CDK5RAP2: variants seen among roughly 807,000 people sequenced by gnomAD.
The protein encoded by CDK5RAP2 is CDK5 regulatory subunit associated protein 2, also known as CDK5 regulatory subunit-associated protein 2.
Under a neutral mutation model 232.9 loss-of-function variants are expected in CDK5RAP2, and 147 were observed. The ratio of observed to expected loss-of-function variants is 0.63; its 90% CI spans 0.55 to 0.72. The LOEUF (loss-of-function observed/expected upper bound fraction) is 0.72, where lower values mean the gene tolerates loss of function less well. Ranked by LOEUF, CDK5RAP2 falls within the 30% of genes least tolerant of loss-of-function variation. CDK5RAP2 has a pLI of 0.00. For synonymous variants in CDK5RAP2, 833 were observed against 833.7 expected, an observed-to-expected ratio of 1.00 and a Z score of 0.01; for missense variants, 2,195 against 2,231.5, an observed-to-expected ratio of 0.98 and a Z score of 0.33.
At chr9:120,568,440 G>A (rs777981932) in intron 2 of CDK5RAP2, 52 bp from the exon 3 acceptor site, 52 of 1,261,626 alleles carry the variant, frequency 4.1e-5, no homozygotes, top group Non-Finnish European at 1.5e-5. Context: ...ACTGCCCAGT[G>A]TTCCTATTGG....
intron 12 of CDK5RAP2, among the ~76,000 whole-genome samples, chr9:120,516,390 C>T (rs542921149): frequency 1.1e-4 from 16 of 149,066 alleles, no homozygotes; most frequent in African/African-American, 4.0e-4. Context: ...GGGGGAGGGA[C>T]AGCATTAGGA....
At position 120,487,062 on chromosome 9, in the gene CDK5RAP2, G is replaced by A. The variant is rs554637441; in HGVS notation, c.1626+232C>T. On this transcript the variant is annotated intron_variant, in intron 14 of 37. Transcript: ENST00000349780. ...CCCTGATAGAGCAAATGAGGCTTCT[G>A]GTTTAACAAGCTATGCTTTCTCAGT... 8.5e-5 allele frequency among the ~76,000 whole-genome samples: 13 copies of A among 152,236 alleles called. No homozygotes were observed. In the South Asian group the frequency reaches 2.7e-3, roughly 32 times the overall value.
At chr9:120,530,281 G>A (rs2041092324) in intron 7 of CDK5RAP2, 141 bp from the exon 8 acceptor site, 4 of 644,376 alleles carry the variant, frequency 6.2e-6, no homozygotes, top group Non-Finnish European at 1.1e-5. Context: ...CATTTTGCAG[G>A]TAGGAGATTA....
chr9:120,389,436 C>G, intron 37 of CDK5RAP2, 144 bp from the exon 38 acceptor site: 2 of 720,700 alleles, frequency 2.8e-6, no homozygotes, highest in Non-Finnish European at 4.9e-6. Context: ...ACCTAATAAA[C>G]AACGATGAGA....
chr9:120,554,273 T>G (rs1011697833), intron 3 of CDK5RAP2, among the ~76,000 whole-genome samples: 7 of 152,236 alleles, frequency 4.6e-5, no homozygotes, highest in Non-Finnish European at 1.0e-4. Flanking sequence ...TGAAATAAAT[T>G]TAAATAATAG....
chr9:120,437,438 C>T lies in CDK5RAP2; in HGVS notation c.3812G>A (p.Arg1271His), dbSNP rs371374073. 28 of 1,614,078 alleles carry T rather than the reference C, an allele frequency of 1.7e-5. No individual in the cohort carries two copies. Among genetic ancestry groups the T allele is most frequent in the African/African-American group, 1.6e-4 (12 of 75,020 alleles). Residue 1271 changes from arginine (R) to histidine (H), a missense_variant, in exon 25 of 38, where the codon CGT becomes CAT. Physicochemically the swap from Arg to His is conservative, Grantham distance 29 (BLOSUM62 0). Coordinates refer to ENST00000349780, the MANE Select transcript of CDK5RAP2 (RefSeq NM_018249.6). Reference sequence around the variant, plus strand: ...CTTAATCATGGTGTTCATGTGTTGACGGGAGATGACACAGATGCCATGGCC... The same window carrying T: ...CTTAATCATGGTGTTCATGTGTTGATGGGAGATGACACAGATGCCATGGCC... ...KDGHGICVIS[R>H]QHMNTMIKAF...
chr9:120,446,191 T>C (rs1315412697), intron 22 of CDK5RAP2, among the ~76,000 whole-genome samples: 2 of 151,498 alleles, frequency 1.3e-5, no homozygotes, highest in Admixed American at 6.6e-5. Flanking sequence ...TGTGTTTCAA[T>C]AAAATTTTAT....
chr9:120,563,031 T>G (rs1252456641), intron 3 of CDK5RAP2, among the ~76,000 whole-genome samples: 1 of 152,084 alleles, frequency 6.6e-6, no homozygotes, highest in Non-Finnish European at 1.5e-5. Context: ...AATAAAGAAA[T>G]AACCACAAAC....
chr9:120,432,847 G>C (rs1413390784), intron 25 of CDK5RAP2, among the ~76,000 whole-genome samples: 1 of 152,186 alleles, frequency 6.6e-6, no homozygotes, highest in East Asian at 1.9e-4. Context: ...TAGAGTGAGA[G>C]CCTTCAAGAA....
intron 12 of CDK5RAP2, among the ~76,000 whole-genome samples, chr9:120,497,421 TA>T (rs71385064): frequency 2.1e-3 from 49 of 23,290 alleles, no homozygotes; most frequent in East Asian, 0.019. Context: ...AAAATAAATT[TA>T]AAAAAAAAAA....
intron 2 of CDK5RAP2, 58 bp from the exon 3 acceptor site, chr9:120,568,446 A>G (rs773884010): frequency 5.0e-6 from 6 of 1,195,272 alleles, no homozygotes; most frequent in Non-Finnish European, 6.3e-6. Flanking sequence ...CAGTGTTCCT[A>G]TTGGGGAATA....
At chr9:120,524,883 G>A (rs1252200635) in intron 11 of CDK5RAP2, 103 bp downstream of exon 11, 3 of 814,170 alleles carry the variant, frequency 3.7e-6, no homozygotes, top group Non-Finnish European at 6.4e-6. Context: ...ACCACCCACA[G>A]TTTTCCTTAT....
At chr9:120,521,835 C>T (rs2040679608) in intron 11 of CDK5RAP2, among the ~76,000 whole-genome samples, 1 of 152,040 alleles carries the variant, frequency 6.6e-6, no homozygotes, top group Non-Finnish European at 1.5e-5. Context: ...TTAGTAGATA[C>T]TGGGTTTCGC....
intron 3 of CDK5RAP2, among the ~76,000 whole-genome samples, chr9:120,563,245 G>A (rs1371262405): frequency 6.6e-6 from 1 of 152,136 alleles, no homozygotes; most frequent in African/African-American, 2.4e-5. Context: ...CCTGGCACAG[G>A]GACAAGCTGG....
At chr9:120,413,007 T>C (rs1352165949) in intron 28 of CDK5RAP2, among the ~76,000 whole-genome samples, 1 of 152,232 alleles carries the variant, frequency 6.6e-6, no homozygotes, top group African/African-American at 2.4e-5. Context: ...ATCGCATCAC[T>C]TCCCTAAGTC....
At chr9:120,428,913 T>A (rs1271809528) in intron 25 of CDK5RAP2, among the ~76,000 whole-genome samples, 1 of 152,136 alleles carries the variant, frequency 6.6e-6, no homozygotes, top group Non-Finnish European at 1.5e-5. Context: ...TCCACCACGA[T>A]CAAGTGGGCT....
intron 16 of CDK5RAP2, among the ~76,000 whole-genome samples, chr9:120,471,132 T>A (rs571957441): frequency 2.4e-4 from 36 of 152,320 alleles, no homozygotes; most frequent in African/African-American, 8.7e-4. Flanking sequence ...ACCACTGTTA[T>A]TACCAATTTT....
intron 2 of CDK5RAP2, among the ~76,000 whole-genome samples, chr9:120,570,210 T>C (rs1463755702): frequency 2.0e-5 from 3 of 152,298 alleles, no homozygotes; most frequent in Admixed American, 6.5e-5. Context: ...AAGGGCACGC[T>C]AGTTTGTTTT....
chr9:120,393,309 G>A (rs953148852), intron 36 of CDK5RAP2, among the ~76,000 whole-genome samples: 4 of 152,196 alleles, frequency 2.6e-5, no homozygotes, highest in Non-Finnish European at 4.4e-5. Context: ...AGGACCTGGC[G>A]TAAGGGGCAA....
Sources: allele counts gnomAD v4.1 joint callset (sites outside exome capture counted in the v4.1 genomes callset), GRCh38; gene constraint gnomAD v4.1.1; transcripts MANE v1.5; gene names NCBI Gene and HGNC (gene_info 2026-07-23, HGNC 2026-07-21).